Variants in GMDS observed in about 807,000 individuals in gnomAD.
GMDS encodes the protein GDP-mannose 4,6 dehydratase.
In GMDS, 20 loss-of-function variants were observed where a neutral mutation model predicts 49.9. That is an observed-to-expected ratio of 0.40 (90% CI 0.28 to 0.58). The LOEUF (loss-of-function observed/expected upper bound fraction) is 0.58. GMDS is among the 20% of genes least tolerant of loss of function. The pLI is 0.42. For synonymous variants in GMDS, 177 were observed against 178.6 expected (o/e 0.99, Z 0.07); for missense variants, 362 against 481.4 (o/e 0.75, Z 2.32).
intron 1 of GMDS, among the ~76,000 whole-genome samples, chr6:2,201,012 A>G (rs569253363): frequency 2.1e-5 from 3 of 145,086 alleles, no homozygotes; most frequent in South Asian, 4.8e-4. Flanking sequence ...TGAGGGCAGC[A>G]TGTTAGCAGA....
intron 1 of GMDS, among the ~76,000 whole-genome samples, chr6:2,165,141 C>A (rs1777599600): frequency 6.6e-6 from 1 of 152,154 alleles, no homozygotes; most frequent in South Asian, 2.1e-4. Context: ...ATTCAGAAAA[C>A]CCATCCTGGA....
chr6:2,194,039 T>TAA (rs529615148), intron 1 of GMDS, among the ~76,000 whole-genome samples: 41 of 136,272 alleles, frequency 3.0e-4, no homozygotes, highest in African/African-American at 1.2e-3. Flanking sequence ...TATTTTTTTT[T>TAA]AAAAAAAAAG....
At chr6:1,904,490 C>A (rs1760657344) in intron 7 of GMDS, among the ~76,000 whole-genome samples, 1 of 152,184 alleles carries the variant, frequency 6.6e-6, no homozygotes, top group South Asian at 2.1e-4. Context: ...CAGAATAAGT[C>A]AAAAGAAGGC....
chr6:2,103,587 G>T (rs1774048738), intron 4 of GMDS, among the ~76,000 whole-genome samples: 1 of 152,150 alleles, frequency 6.6e-6, no homozygotes, highest in South Asian at 2.1e-4. Context: ...AGATACTGAG[G>T]TGATGGGATT....
intron 1 of GMDS, among the ~76,000 whole-genome samples, chr6:2,225,190 C>T (rs1780762168): frequency 1.3e-5 from 2 of 151,614 alleles, no homozygotes; most frequent in Admixed American, 6.6e-5. Flanking sequence ...ATTAGCTGGG[C>T]ATGGTAGTGC....
intron 4 of GMDS, among the ~76,000 whole-genome samples, chr6:2,078,503 C>T (rs1367559427): frequency 6.6e-6 from 1 of 151,920 alleles, no homozygotes; most frequent in Non-Finnish European, 1.5e-5. Flanking sequence ...TTTTAACTTC[C>T]TTCTTAATTT....
At chr6:1,704,555 G>C (rs1765657651) in intron 9 of GMDS, among the ~76,000 whole-genome samples, 1 of 152,224 alleles carries the variant, frequency 6.6e-6, no homozygotes, top group African/African-American at 2.4e-5. Context: ...CCCCAGAAAG[G>C]AAGAGGGCCA....
At chr6:2,179,203 G>A (rs149830335) in intron 1 of GMDS, among the ~76,000 whole-genome samples, 1 of 152,166 alleles carries the variant, frequency 6.6e-6, no homozygotes, top group Non-Finnish European at 1.5e-5. Context: ...AGAAACAAGA[G>A]GTTGTTGGCT....
chr6:1,986,611 T>A (rs1433043390), intron 4 of GMDS, among the ~76,000 whole-genome samples: 2 of 152,180 alleles, frequency 1.3e-5, no homozygotes, highest in African/African-American at 2.4e-5. Context: ...CTTTACATAA[T>A]CAAACACTAC....
At chr6:1,878,286 G>T (rs1461661156) in intron 7 of GMDS, among the ~76,000 whole-genome samples, 1 of 126,400 alleles carries the variant, frequency 7.9e-6, no homozygotes. Flanking sequence ...CTGCACTCCA[G>T]CCTGGGTGAC....
intron 1 of GMDS, among the ~76,000 whole-genome samples, chr6:2,241,336 A>T (rs181676132): frequency 6.6e-6 from 1 of 152,266 alleles, no homozygotes; most frequent in African/African-American, 2.4e-5. Flanking sequence ...TTGAACCGTT[A>T]AGTTGGTGCT....
intron 4 of GMDS, among the ~76,000 whole-genome samples, chr6:1,981,023 C>T (rs1436821867): frequency 6.6e-6 from 1 of 152,142 alleles, no homozygotes; most frequent in Non-Finnish European, 1.5e-5. Context: ...ACCACAATCT[C>T]TGGGACACGG....
chr6:2,010,368 C>T (rs1262655219), intron 4 of GMDS, among the ~76,000 whole-genome samples: 1 of 149,396 alleles, frequency 6.7e-6, no homozygotes, highest in African/African-American at 2.5e-5. Flanking sequence ...AAACACATAG[C>T]ACATCAAAAT....
chr6:2,221,255 G>A (rs764068601), intron 1 of GMDS, among the ~76,000 whole-genome samples: 4 of 152,192 alleles, frequency 2.6e-5, no homozygotes, highest in African/African-American at 7.2e-5. Flanking sequence ...CTGGCTTCAC[G>A]TAGAATTCCA....
intron 7 of GMDS, among the ~76,000 whole-genome samples, chr6:1,904,400 CAGG>C: frequency 6.6e-6 from 1 of 152,234 alleles, no homozygotes; most frequent in Non-Finnish European, 1.5e-5. Context: ...GAGCAAAGGC[CAGG>C]AGGACTGCCC....
chr6:1,721,034 T>C (rs1162316614), intron 9 of GMDS, among the ~76,000 whole-genome samples: 1 of 152,180 alleles, frequency 6.6e-6, no homozygotes, highest in Non-Finnish European at 1.5e-5. Flanking sequence ...AAGCTCTGAC[T>C]GGCATTTATA....
chr6:1,883,051 T>A (rs1172892978), intron 7 of GMDS, among the ~76,000 whole-genome samples: 4 of 152,190 alleles, frequency 2.6e-5, no homozygotes, highest in Admixed American at 2.6e-4. Context: ...TTTTTGCATA[T>A]GTACAATTTG....
At chr6:1,913,178 G>A (rs982084241) in intron 7 of GMDS, among the ~76,000 whole-genome samples, 2 of 151,728 alleles carry the variant, frequency 1.3e-5, no homozygotes, top group Non-Finnish European at 2.9e-5. Flanking sequence ...TCAGGAGATC[G>A]AGACCATCCC....
At chr6:1,829,674 A>G (rs1309494662) in intron 7 of GMDS, among the ~76,000 whole-genome samples, 2 of 152,220 alleles carry the variant, frequency 1.3e-5, no homozygotes, top group Admixed American at 6.5e-5. Context: ...TCCTGGGCTC[A>G]AGCGATCCAC....
Sources: gnomAD v4.1 joint callset for allele counts (sites outside exome capture counted in the v4.1 genomes callset) on GRCh38, gnomAD v4.1.1 for gene constraint, MANE v1.5 for transcripts, NCBI Gene and HGNC (gene_info 2026-07-23, HGNC 2026-07-21) for gene names.